Variants in KCNK10 observed in about 807,000 individuals in gnomAD.
The protein encoded by KCNK10 is potassium channel subfamily K member 10.
In KCNK10, 25 loss-of-function variants were observed where a neutral mutation model predicts 47.7. That is an observed-to-expected ratio of 0.52 (90% CI 0.38 to 0.73). The LOEUF (loss-of-function observed/expected upper bound fraction) is 0.73, where lower values mean the gene tolerates loss of function less well. Among genes scored for constraint, KCNK10 ranks in the 30% least tolerant of loss-of-function variants. The pLI is 0.00. For synonymous variants in KCNK10, 303 were observed against 285.6 expected (o/e 1.06, Z -0.61); for missense variants, 563 against 714.5 (o/e 0.79, Z 2.42).
At chr14:88,219,347 C>A (rs546176697) in intron 4 of KCNK10, among the ~76,000 whole-genome samples, 33 of 152,332 alleles carry the variant, frequency 2.2e-4, no homozygotes, top group Non-Finnish European at 4.4e-4. Context: ...TGGTAACTAG[C>A]TCGGGCCAAT....
intron 4 of KCNK10, among the ~76,000 whole-genome samples, chr14:88,202,470 C>T (rs544078746): frequency 2.0e-5 from 3 of 152,210 alleles, no homozygotes; most frequent in African/African-American, 4.8e-5. Context: ...GTGACCCAGG[C>T]TTTCCCAGCC....
At chr14:88,311,837 G>A (rs918772805) in intron 1 of KCNK10, among the ~76,000 whole-genome samples, 1 of 151,896 alleles carries the variant, frequency 6.6e-6, no homozygotes, top group South Asian at 2.1e-4. Flanking sequence ...CCTTGTCAGG[G>A]TGGTTGGGGG....
intron 1 of KCNK10, among the ~76,000 whole-genome samples, chr14:88,303,881 C>T (rs575052387): frequency 6.9e-4 from 105 of 152,268 alleles, no homozygotes; most frequent in African/African-American, 2.4e-3. Context: ...CTTCCTGAAT[C>T]GCACACTCAA....
At chr14:88,266,830 G>A (rs1887271358) in intron 1 of KCNK10, among the ~76,000 whole-genome samples, 1 of 152,170 alleles carries the variant, frequency 6.6e-6, no homozygotes, top group African/African-American at 2.4e-5. Context: ...TGAGCATGGA[G>A]GTGAGTGGAG....
intron 1 of KCNK10, among the ~76,000 whole-genome samples, chr14:88,286,895 A>T (rs746941792): frequency 2.6e-5 from 4 of 152,084 alleles, no homozygotes; most frequent in Non-Finnish European, 5.9e-5. Flanking sequence ...ACACAGCCAA[A>T]CCTTATCACA....
chr14:88,189,533 G>A (rs1237097095), intron 5 of KCNK10, among the ~76,000 whole-genome samples: 2 of 152,126 alleles, frequency 1.3e-5, no homozygotes, highest in Non-Finnish European at 2.9e-5. Context: ...ACTAGGGTGC[G>A]CTAGTGAACA....
intron 4 of KCNK10, among the ~76,000 whole-genome samples, chr14:88,201,332 T>C (rs1885094848): frequency 6.6e-6 from 1 of 152,214 alleles, no homozygotes; most frequent in Non-Finnish European, 1.5e-5. Context: ...GGAGCACTGT[T>C]CCTTCATTTG....
chr14:88,187,209 CT>C (rs1884593901), intron 6 of KCNK10, among the ~76,000 whole-genome samples: 1 of 152,084 alleles, frequency 6.6e-6, no homozygotes, highest in African/African-American at 2.4e-5. Flanking sequence ...CTCCTGGGGC[CT>C]TTTATACAGA....
chr14:88,283,296 C>A (rs395841), intron 1 of KCNK10, among the ~76,000 whole-genome samples: 111,458 of 152,140 alleles, frequency 0.73, 41,001 homozygotes, highest in South Asian at 0.79. Flanking sequence ...AACTTTTAAA[C>A]AGTGGAATAA....
At chr14:88,261,395 T>C (rs7154539) in intron 2 of KCNK10, among the ~76,000 whole-genome samples, 77,980 of 152,130 alleles carry the variant, frequency 0.51, 21,835 homozygotes, top group Non-Finnish European at 0.62. Context: ...CATGCTAGGC[T>C]TTAAATCTGG....
intron 1 of KCNK10, among the ~76,000 whole-genome samples, chr14:88,278,382 A>G (rs982119331): frequency 5.9e-5 from 9 of 152,212 alleles, no homozygotes; most frequent in African/African-American, 2.2e-4. Flanking sequence ...GTCACAATTA[A>G]GCAGCCACTG....
chr14:88,247,804 T>C (rs1886686771), intron 2 of KCNK10, among the ~76,000 whole-genome samples: 1 of 152,192 alleles, frequency 6.6e-6, no homozygotes, highest in African/African-American at 2.4e-5. Flanking sequence ...GACTAATCTA[T>C]CTAAATATTA....
At chr14:88,268,318 G>C (rs1342866302) in intron 1 of KCNK10, among the ~76,000 whole-genome samples, 1 of 152,186 alleles carries the variant, frequency 6.6e-6, no homozygotes, top group Non-Finnish European at 1.5e-5. Flanking sequence ...CGCAGTGCAA[G>C]CCCAGCTGTG....
intron 2 of KCNK10, among the ~76,000 whole-genome samples, chr14:88,251,365 T>C (rs114924223): frequency 0.012 from 1,804 of 152,046 alleles, 34 homozygotes; most frequent in African/African-American, 0.041. Context: ...TAGATTCAAC[T>C]TCAAAGAGCT....
At chr14:88,283,761 A>C (rs2139774855) in intron 1 of KCNK10, among the ~76,000 whole-genome samples, 1 of 152,174 alleles carries the variant, frequency 6.6e-6, no homozygotes, top group East Asian at 1.9e-4. Flanking sequence ...AATACAAAAA[A>C]AAATTAGCCA....
chr14:88,209,474 C>G (rs1344782224), intron 4 of KCNK10, among the ~76,000 whole-genome samples: 1 of 152,252 alleles, frequency 6.6e-6, no homozygotes, highest in Non-Finnish European at 1.5e-5. Context: ...CAACGGCATC[C>G]CCTGGGGGAG....
rs372023661 is a variant in KCNK10, at chr14:88,251,124, T to C, written c.403-10304A>G. Among the ~76,000 whole-genome samples the C allele has an allele frequency of 6.1e-5, 9 of 147,496 alleles. No individual in the cohort carries two copies. In the South Asian group the frequency reaches 1.9e-3, roughly 31 times the overall value. On this transcript the variant is annotated intron_variant, in intron 2 of 6. Transcript: ENST00000319231. ...GGTGCACACCTGTAGTCCCAGCTAC[T>C]AGGGAGGCCGAGGCAGAAGAATCGC...
At chr14:88,241,601 T>C (rs1266793619) in intron 2 of KCNK10, among the ~76,000 whole-genome samples, 1 of 152,126 alleles carries the variant, frequency 6.6e-6, no homozygotes, top group Non-Finnish European at 1.5e-5. Context: ...TCCAACAAAC[T>C]GGCCACAATG....
intron 2 of KCNK10, among the ~76,000 whole-genome samples, chr14:88,258,451 C>G (rs901164870): frequency 1.3e-5 from 2 of 152,088 alleles, no homozygotes; most frequent in Non-Finnish European, 2.9e-5. Context: ...CCACCACGCC[C>G]AGCTAATTTT....
Sources: gnomAD v4.1 joint callset for allele counts (sites outside exome capture counted in the v4.1 genomes callset) on GRCh38, gnomAD v4.1.1 for gene constraint, MANE v1.5 for transcripts, NCBI Gene and HGNC (gene_info 2026-07-23, HGNC 2026-07-21) for gene names.